Variants in CRB1 observed in about 807,000 individuals in gnomAD.
The protein encoded by CRB1 is crumbs cell polarity complex component 1.
In CRB1, 83 loss-of-function variants were observed where a neutral mutation model predicts 120.0. The ratio of observed to expected loss-of-function variants is 0.69; its 90% confidence interval spans 0.58 to 0.83. CRB1 has a LOEUF of 0.83. Ranked by LOEUF, CRB1 falls within the 40% of genes least tolerant of loss-of-function variation. The pLI is 0.00. For synonymous variants in CRB1, 625 were observed against 612.5 expected (o/e 1.02, Z -0.30); for missense variants, 1,699 against 1,687.6 (o/e 1.01, Z -0.12).
chr1:197,434,966 C>T lies in CRB1; in HGVS notation c.3103C>T (p.His1035Tyr), dbSNP rs752329622. The stretch of plus-strand genomic sequence containing the variant: ...GCAGTCAGTGAATGATGGCACATGG[C>T]ACGAAGTGACCCTTTCCATGACAGA... ...SLQSVNDGTW[H>Y]EVTLSMTDPL... The change falls in exon 9 of 12, where the codon CAC (histidine) becomes TAC (tyrosine). Residue 1035 changes from histidine to tyrosine, a missense_variant. Transcript: ENST00000367400. 3.7e-6 allele frequency: 6 copies of T among 1,613,960 alleles called. No homozygotes were observed. The highest frequency in any genetic ancestry group is 3.4e-6 in the Non-Finnish European group (4 of 1,179,898).
the CRB1 span, among the ~76,000 whole-genome samples, chr1:197,203,053 T>G: frequency 6.6e-6 from 1 of 151,794 alleles, no homozygotes; most frequent in Non-Finnish European, 1.5e-5. Flanking sequence ...AATGAAAGAT[T>G]TAGTTAGCAT....
the CRB1 span, among the ~76,000 whole-genome samples, chr1:197,254,030 A>G: frequency 6.6e-6 from 1 of 152,080 alleles, no homozygotes; most frequent in South Asian, 2.1e-4. Context: ...TATTGATCCA[A>G]ACTCTGGGCC....
the CRB1 span, among the ~76,000 whole-genome samples, chr1:197,247,908 G>C: frequency 1.3e-5 from 2 of 151,950 alleles, no homozygotes; most frequent in African/African-American, 2.4e-5. Context: ...AATTGACCAT[G>C]AATAGGTGCT....
intron 5 of CRB1, among the ~76,000 whole-genome samples, chr1:197,420,345 T>A (rs10922223): frequency 0.67 from 101,686 of 151,902 alleles, 34,437 homozygotes; most frequent in East Asian, 0.77. Context: ...TGACTTGGAA[T>A]CAGAAAAAAA....
chr1:197,399,010 G>A (rs1193952030), intron 5 of CRB1, among the ~76,000 whole-genome samples: 1 of 151,136 alleles, frequency 6.6e-6, no homozygotes, highest in Non-Finnish European at 1.5e-5. Context: ...AAGTAAAGAA[G>A]GATTCAAGTC....
intron 11 of CRB1, among the ~76,000 whole-genome samples, chr1:197,475,226 G>T (rs909622589): frequency 2.6e-5 from 4 of 152,046 alleles, no homozygotes; most frequent in African/African-American, 9.7e-5. Flanking sequence ...TGTCTCCAAG[G>T]CACCTAAGAC....
the CRB1 span, among the ~76,000 whole-genome samples, chr1:197,202,564 T>G: frequency 4.0e-3 from 608 of 152,332 alleles, 1 homozygote; most frequent in Non-Finnish European, 7.0e-3. Flanking sequence ...AAGTGAAAGC[T>G]ATCATTATCT....
At chr1:197,272,908 T>C (rs1311557717) in intron 1 of CRB1, among the ~76,000 whole-genome samples, 4 of 152,146 alleles carry the variant, frequency 2.6e-5, no homozygotes, top group Non-Finnish European at 5.9e-5. Flanking sequence ...TATAAAATCA[T>C]TTAGGAAATC....
chr1:197,472,492 G>A (rs1228194368), intron 11 of CRB1, among the ~76,000 whole-genome samples: 1 of 152,166 alleles, frequency 6.6e-6, no homozygotes, highest in Non-Finnish European at 1.5e-5. Flanking sequence ...ACTTGGGAAT[G>A]TGAGGTTACA....
chr1:197,463,928 G>A (rs1666640217), intron 11 of CRB1, among the ~76,000 whole-genome samples: 1 of 151,994 alleles, frequency 6.6e-6, no homozygotes, highest in African/African-American at 2.4e-5. Flanking sequence ...ATTTACTCTG[G>A]GTTCCTGAAA....
chr1:197,238,430 C>T, the CRB1 span, among the ~76,000 whole-genome samples: 1 of 152,170 alleles, frequency 6.6e-6, no homozygotes, highest in South Asian at 2.1e-4. Context: ...TATTATTCTG[C>T]TTTTTTCCCT....
intron 1 of CRB1, among the ~76,000 whole-genome samples, chr1:197,318,650 T>A (rs1657994377): frequency 6.6e-6 from 1 of 152,194 alleles, no homozygotes; most frequent in African/African-American, 2.4e-5. Context: ...CACAAGGGAA[T>A]GTTATTCAGT....
At chr1:197,432,337 C>G (rs1664909028) in intron 8 of CRB1, among the ~76,000 whole-genome samples, 1 of 147,142 alleles carries the variant, frequency 6.8e-6, no homozygotes, top group Non-Finnish European at 1.5e-5. Flanking sequence ...CCCTAAATTC[C>G]CAACTCCAAA....
At chr1:197,476,996 G>A (rs1161641913) in intron 11 of CRB1, among the ~76,000 whole-genome samples, 20 of 152,190 alleles carry the variant, frequency 1.3e-4, no homozygotes, top group Admixed American at 1.3e-3. Context: ...TAACAACTTT[G>A]AGAGCCCAGG....
chr1:197,354,715 T>C (rs80150755), intron 4 of CRB1, among the ~76,000 whole-genome samples: 8,469 of 148,960 alleles, frequency 0.057, 837 homozygotes, highest in African/African-American at 0.2. Flanking sequence ...AAGAGTTATT[T>C]CAACAAGCAA....
At chr1:197,358,127 A>G (rs1332784538) in intron 5 of CRB1, 2 of 152,196 alleles carry the variant, frequency 1.3e-5, no homozygotes, top group Non-Finnish European at 2.9e-5. Flanking sequence ...AGATCTGCAA[A>G]CATACAGGTC....
At chr1:197,349,694 A>G (rs780645407) in intron 4 of CRB1, among the ~76,000 whole-genome samples, 3 of 152,248 alleles carry the variant, frequency 2.0e-5, no homozygotes, top group African/African-American at 7.2e-5. Flanking sequence ...AAATGAAAAT[A>G]TAAAATGAAG....
chr1:197,287,634 T>G lies in CRB1; in HGVS notation c.70+19152T>G, dbSNP rs564422080. Among the ~76,000 whole-genome samples, 40 of 151,814 alleles carry G rather than the reference T, an allele frequency of 2.6e-4. 1 individual carries two copies. The highest frequency in any genetic ancestry group is 9.6e-4 in the African/African-American group (40 of 41,456). ...TAGGGAAAGAAGATGTTAGAGACAGTAACAAAGCAAAATTTCCTCATGTGC... is the reference window on the plus strand; with the variant it reads ...TAGGGAAAGAAGATGTTAGAGACAGGAACAAAGCAAAATTTCCTCATGTGC... On this transcript the variant is annotated intron_variant, in intron 1 of 11. Transcript: ENST00000367400.
chr1:197,395,457 A>C (rs766155338), intron 5 of CRB1, among the ~76,000 whole-genome samples: 2 of 152,160 alleles, frequency 1.3e-5, no homozygotes, highest in Non-Finnish European at 2.9e-5. Flanking sequence ...TGCACTAAAG[A>C]AATGTAAAAA....
Sources: gnomAD v4.1 joint callset for allele counts (sites outside exome capture counted in the v4.1 genomes callset) on GRCh38, gnomAD v4.1.1 for gene constraint, MANE v1.5 for transcripts, NCBI Gene and HGNC (gene_info 2026-07-23, HGNC 2026-07-21) for gene names.